Variants in UGT3A2 observed in about 807,000 individuals in gnomAD.
UGT3A2 encodes UDP glycosyltransferase family 3 member A2.
A neutral mutation model predicts 39.8 loss-of-function variants in UGT3A2; 32 were observed. The observed-to-expected ratio is 0.80, with a 90% CI of 0.61 to 1.08. The LOEUF (loss-of-function observed/expected upper bound fraction) is 1.08, where lower values mean the gene tolerates loss of function less well. Ranked by LOEUF, UGT3A2 falls within the 50% of genes least tolerant of loss-of-function variation. UGT3A2 has a pLI of 0.00. For synonymous variants in UGT3A2, 241 were observed against 230.7 expected (o/e 1.04, Z -0.40); for missense variants, 611 against 637.1 (o/e 0.96, Z 0.44).
chr5:36,064,410 AGT>A (rs1326752414), intron 1 of UGT3A2, 60 bp from the exon 2 acceptor site: 3 of 1,424,982 alleles, frequency 2.1e-6, no homozygotes, highest in Non-Finnish European at 3.0e-6. Context: ...TGAAGTCAGT[AGT>A]GATCAATCCA....
intron 4 of UGT3A2, among the ~76,000 whole-genome samples, chr5:36,041,854 A>T (rs1046175282): frequency 6.6e-6 from 1 of 152,124 alleles, no homozygotes; most frequent in Non-Finnish European, 1.5e-5. Context: ...ATTGATGAAC[A>T]AGTTACAAGC....
intron 2 of UGT3A2, among the ~76,000 whole-genome samples, chr5:36,058,129 A>C (rs535966513): frequency 6.6e-6 from 1 of 152,356 alleles, no homozygotes; most frequent in East Asian, 1.9e-4. Flanking sequence ...AGTGGAAAAA[A>C]TTAAATGTCC....
chr5:36,062,883 T>C (rs1015502916), intron 2 of UGT3A2, among the ~76,000 whole-genome samples: 1 of 151,796 alleles, frequency 6.6e-6, no homozygotes, highest in Non-Finnish European at 1.5e-5. Context: ...CTACTAAAAA[T>C]ACAAAAAATT....
chr5:36,066,723 C>T lies in UGT3A2; in HGVS notation c.67G>A (p.Ala23Thr), dbSNP rs1742892053. The part of the protein sequence containing the change: ...LLPGVLLSEA[A>T]KILTISTVGG... ...ACTGTAGATATTGTCAGGATTTTGG[C>T]AGCCTCTGAGAGCAGGACCCCAGGG... Residue 23 changes from alanine (A) to threonine (T), a missense_variant, in exon 1 of 7, where the codon GCC becomes ACC. By Grantham distance (58) the Ala-to-Thr change is moderately conservative. Transcript: ENST00000282507. 6.2e-7 allele frequency: 1 copy of T among 1,614,030 alleles called. No individual in the cohort carries two copies. Among genetic ancestry groups the T allele is most frequent in the African/African-American group, 1.3e-5 (1 of 74,926 alleles).
chr5:36,047,587 A>G (rs1024476586), intron 4 of UGT3A2, among the ~76,000 whole-genome samples: 1 of 152,198 alleles, frequency 6.6e-6, no homozygotes, highest in Admixed American at 6.5e-5. Flanking sequence ...CAGCCTTGTC[A>G]TCATTTTTAT....
intron 2 of UGT3A2, among the ~76,000 whole-genome samples, chr5:36,063,829 T>G (rs1199332278): frequency 6.6e-6 from 1 of 152,112 alleles, no homozygotes; most frequent in Non-Finnish European, 1.5e-5. Context: ...AGAGACAGAG[T>G]GTCCCTATGT....
At chr5:36,051,445 GA>G (rs2111737008) in intron 3 of UGT3A2, among the ~76,000 whole-genome samples, 1 of 152,278 alleles carries the variant, frequency 6.6e-6, no homozygotes, top group African/African-American at 2.4e-5. Context: ...AAGAAGGGAA[GA>G]CAGTAAGTGG....
At position 36,039,565 on chromosome 5, in the gene UGT3A2, C is replaced by T; in HGVS notation, c.987G>A (p.Trp329Ter). 1 of 1,614,176 alleles carries T rather than the reference C, an allele frequency of 6.2e-7. No homozygotes were observed. Among genetic ancestry groups the T allele is most frequent in the Non-Finnish European group, 8.5e-7 (1 of 1,180,038 alleles). Residue 329 changes from tryptophan to a stop codon, truncating the protein, a stop_gained, in exon 5 of 7, where the codon TGG (tryptophan) becomes TGA (stop). Transcript: ENST00000282507. LOFTEE classifies it high-confidence loss of function. ...TGGGCCAATGAGAACACTGACACTT[C>T]CATATCACCCCTTGGGGTAGGTGAG... ...AFAHLPQGVI[W>*]KCQCSHWPKD...
At chr5:36,066,445 G>C (rs1263549076) in intron 1 of UGT3A2, among the ~76,000 whole-genome samples, 2 of 152,138 alleles carry the variant, frequency 1.3e-5, no homozygotes, top group Non-Finnish European at 2.9e-5. Flanking sequence ...CCTGCGGGAT[G>C]GGGGCGCGTC....
rs575132540 is a variant in UGT3A2, at chr5:36,035,845, G to A, written c.1425C>T (p.Val475=). The part of the protein sequence containing the change: ...TGGATHLKPY[V]FQQPWHEQYL... ...ACTGCTCATGCCAGGGCTGCTGAAAGACATAGGGCTTGAGGTGCGTCGCGC... is the reference window on the plus strand; with the variant it reads ...ACTGCTCATGCCAGGGCTGCTGAAAAACATAGGGCTTGAGGTGCGTCGCGC... The change falls in exon 7 of 7, where the codon GTC becomes GTT. Residue 475 remains valine, a synonymous_variant. Coordinates refer to ENST00000282507, the MANE Select transcript of UGT3A2 (RefSeq NM_174914.4). 23 of 1,614,202 alleles carry A rather than the reference G, an allele frequency of 1.4e-5. No individual in the cohort carries two copies. In the East Asian group the frequency reaches 4.9e-4, roughly 34 times the overall value.
chr5:36,037,889 T>C lies in UGT3A2; in HGVS notation c.1203A>G (p.Val401=). ...FGDQPENMVR[V]EAKKFGVSIQ... ...TAGAAACACCAAACTTTTTGGCTTC[T>C]ACTCGGACCATGTTTTCAGGCTGGT... The change falls in exon 6 of 7, where the codon GTA becomes GTG. Residue 401 remains valine (V), a synonymous_variant. Transcript: ENST00000282507. 1 of 1,614,098 alleles carries C rather than the reference T, an allele frequency of 6.2e-7. No homozygotes were observed. The highest frequency in any genetic ancestry group is 8.5e-7 in the Non-Finnish European group (1 of 1,180,008).
At chr5:36,063,954 A>G (rs1029084996) in intron 2 of UGT3A2, among the ~76,000 whole-genome samples, 6 of 152,110 alleles carry the variant, frequency 3.9e-5, no homozygotes, top group African/African-American at 1.4e-4. Context: ...TATATTTTTT[A>G]AGCCATCTTA....
intron 2 of UGT3A2, among the ~76,000 whole-genome samples, chr5:36,062,343 C>G (rs1232370136): frequency 6.6e-6 from 1 of 152,024 alleles, no homozygotes; most frequent in Non-Finnish European, 1.5e-5. Flanking sequence ...ATGGTAATGC[C>G]TAGGTTTTCT....
At chr5:36,038,054 T>C (rs1741888134) in intron 5 of UGT3A2, 38 bp from the exon 6 acceptor site, 1 of 1,544,248 alleles carries the variant, frequency 6.5e-7, no homozygotes, top group Non-Finnish European at 8.7e-7. Flanking sequence ...CACTTCAGGA[T>C]GAAAATTTCA....
intron 2 of UGT3A2, among the ~76,000 whole-genome samples, chr5:36,059,542 G>A (rs371989132): frequency 2.0e-5 from 3 of 152,026 alleles, no homozygotes; most frequent in East Asian, 1.9e-4. Flanking sequence ...TTTGGCTTTC[G>A]TGGATTGTAA....
intron 2 of UGT3A2, among the ~76,000 whole-genome samples, chr5:36,055,225 G>GTTTTT (rs67212623): frequency 1.1e-4 from 16 of 150,894 alleles, no homozygotes; most frequent in African/African-American, 3.9e-4. Flanking sequence ...CTGCTCTGCA[G>GTTTTT]TTTGTTTTTT....
chr5:36,038,003 G>A lies in UGT3A2; in HGVS notation c.1089C>T (p.Ile363=), dbSNP rs140770506. 9.6e-5 allele frequency: 154 copies of A among 1,598,274 alleles called. 1 individual carries two copies. In the African/African-American group the frequency reaches 1.7e-3, roughly 18 times the overall value. The change falls in exon 6 of 7, where the codon ATC becomes ATT. Residue 363 remains isoleucine, a synonymous_variant. Coordinates refer to ENST00000282507, the MANE Select transcript of UGT3A2 (RefSeq NM_174914.4). ...GCCCGCCGTGGGTGACAAACAGACG[G>A]ATGCTTGGGTGAGCTGTTGTAAATA... The part of the protein sequence containing the change: ...PQSDLLAHPS[I]RLFVTHGGQN...
intron 4 of UGT3A2, 66 bp from the exon 5 acceptor site, chr5:36,039,774 A>T (rs1741949498): frequency 7.2e-7 from 1 of 1,380,150 alleles, no homozygotes; most frequent in African/African-American, 1.4e-5. Flanking sequence ...TGACCAGAAA[A>T]TGAAAGCCAG....
intron 2 of UGT3A2, among the ~76,000 whole-genome samples, chr5:36,063,909 T>C (rs1742795519): frequency 1.3e-5 from 2 of 152,210 alleles, no homozygotes; most frequent in South Asian, 4.1e-4. Context: ...GTGCTGGGAT[T>C]ACAGGTGTGA....
Sources: gnomAD v4.1 joint callset for allele counts (sites outside exome capture counted in the v4.1 genomes callset) on GRCh38, gnomAD v4.1.1 for gene constraint, MANE v1.5 for transcripts, NCBI Gene and HGNC (gene_info 2026-07-23, HGNC 2026-07-21) for gene names.